Variants in TMEM253 observed in about 807,000 individuals in gnomAD.
TMEM253 encodes the protein transmembrane protein 253.
TMEM253 carries 22 observed loss-of-function variants against 20.3 expected under a neutral mutation model. That is an observed-to-expected ratio of 1.08 (90% confidence interval 0.78 to 1.55). The LOEUF (loss-of-function observed/expected upper bound fraction) is 1.55, where lower values mean the gene tolerates loss of function less well. TMEM253 is among the 40% of genes most tolerant of loss of function. The pLI is 0.00. For synonymous variants in TMEM253, 92 were observed against 102.6 expected (o/e 0.90, Z 0.62); for missense variants, 251 against 266.1 (o/e 0.94, Z 0.39).
chr14:21,101,847 C>T lies in TMEM253; in HGVS notation c.109-18C>T, dbSNP rs368718917. On this transcript the variant is annotated intron_variant, in intron 2 of 6. Coordinates refer to ENST00000556585, the Ensembl canonical transcript of TMEM253. The stretch of plus-strand genomic sequence containing the variant: ...ATCCCTGACAGTTCCTCCCCAATTA[C>T]CCTACCCTTACCCCCAGGTGAGCCA... 9.0e-6 allele frequency: 14 copies of T among 1,547,344 alleles called. No individual in the cohort carries two copies. The East Asian group carries it at 3.4e-4, about 38-fold the overall frequency.
chr14:21,102,103 G>A, exon 4 of TMEM253: 3 of 1,550,592 alleles, frequency 1.9e-6, no homozygotes, highest in Non-Finnish European at 2.6e-6. Flanking sequence ...GCTTCGCAGA[G>A]CACCCCGCCT....
intron 4 of TMEM253, 96 bp from the exon 5 acceptor site, chr14:21,102,309 C>A: frequency 2.0e-6 from 3 of 1,468,894 alleles, no homozygotes; most frequent in Non-Finnish European, 9.2e-7. Flanking sequence ...GGCTGAGAAG[C>A]AGAAGCTGAG....
At chr14:21,103,287 C>T (rs1402203148) in exon 7 of TMEM253, 28 of 1,542,274 alleles carry the variant, frequency 1.8e-5, no homozygotes, top group Non-Finnish European at 2.5e-5. Context: ...TTCCTGCATC[C>T]CACCCCACCA....
exon 7 of TMEM253, chr14:21,103,594 G>C (rs542155552): frequency 3.8e-6 from 1 of 260,118 alleles, no homozygotes; most frequent in Non-Finnish European, 7.5e-6. Flanking sequence ...CCAACTCCCT[G>C]AATCCAATTC....
intron 4 of TMEM253, 27 bp from the exon 5 acceptor site, chr14:21,102,378 G>A: frequency 1.3e-6 from 2 of 1,551,132 alleles, no homozygotes; most frequent in Non-Finnish European, 1.7e-6. Context: ...CCCTAGGCTG[G>A]GCAGGGCTGA....
At chr14:21,101,133 G>T in exon 1 of TMEM253, 1 of 470,750 alleles carries the variant, frequency 2.1e-6, no homozygotes. Flanking sequence ...CCCCTTAGGA[G>T]ACCTAGGACC....
At chr14:21,102,747 A>T in exon 6 of TMEM253, 2 of 1,551,116 alleles carry the variant, frequency 1.3e-6, no homozygotes, top group Non-Finnish European at 1.7e-6. Context: ...ATGCTGCAGG[A>T]GCCAGAGTCT....
At chr14:21,099,872 T>A (rs1889527430), upstream of TMEM253, among the ~76,000 whole-genome samples, 1 of 152,210 alleles carries the variant, frequency 6.6e-6, no homozygotes, top group Admixed American at 6.5e-5. Context: ...CAGCTGGTTC[T>A]GCTTCCGACT....
chr14:21,103,493 C>G (rs937424325), exon 7 of TMEM253: 3 of 574,858 alleles, frequency 5.2e-6, no homozygotes, highest in Non-Finnish European at 8.8e-6. Flanking sequence ...CTGTCACCTC[C>G]CCATACAGCT....
At chr14:21,100,420 C>G (rs895647437), upstream of TMEM253, among the ~76,000 whole-genome samples, 1 of 151,974 alleles carries the variant, frequency 6.6e-6, no homozygotes, top group African/African-American at 2.4e-5. Context: ...GATGGAGAAG[C>G]AGCAGAGCTA....
chr14:21,102,236 G>A, intron 4 of TMEM253, 116 bp downstream of exon 4: 7 of 1,415,598 alleles, frequency 4.9e-6, no homozygotes, highest in Non-Finnish European at 5.7e-6. Context: ...TGTCACCACT[G>A]ACTGGCCTCA....
upstream of TMEM253, among the ~76,000 whole-genome samples, chr14:21,100,471 C>A (rs1889563016): frequency 6.6e-6 from 1 of 152,132 alleles, no homozygotes; most frequent in East Asian, 1.9e-4. Context: ...GGCACCTTCT[C>A]TCTCAAAAAT....
At chr14:21,099,520 G>A (rs1433686256), upstream of TMEM253, among the ~76,000 whole-genome samples, 1 of 152,218 alleles carries the variant, frequency 6.6e-6, no homozygotes, top group Admixed American at 6.5e-5. Flanking sequence ...ATGACCCGCC[G>A]ATGTTGGCAC....
At chr14:21,103,463 T>TC (rs1889779592) in exon 7 of TMEM253, 1 of 788,010 alleles carries the variant, frequency 1.3e-6, no homozygotes. Context: ...CTTTCTCCCT[T>TC]GCATCCATAT....
At chr14:21,099,143 G>T, upstream of TMEM253, 1 of 208,696 alleles carries the variant, frequency 4.8e-6, no homozygotes, top group Non-Finnish European at 1.0e-5. Flanking sequence ...CGCTGTGAGG[G>T]ATGAGAAAGA....
chr14:21,103,554 A>C, exon 7 of TMEM253: 1 of 346,118 alleles, frequency 2.9e-6, no homozygotes, highest in Admixed American at 4.6e-5. Flanking sequence ...TCATAATCCC[A>C]TCCACTCCAA....
At chr14:21,102,064 G>C (rs1461702563) in exon 4 of TMEM253, 1 of 1,551,164 alleles carries the variant, frequency 6.4e-7, no homozygotes, top group Admixed American at 2.0e-5. Context: ...CACCATTCAG[G>C]GTCTCCTCAC....
upstream of TMEM253, chr14:21,101,011 G>A (rs1889594453): frequency 4.3e-6 from 1 of 232,124 alleles, no homozygotes; most frequent in African/African-American, 2.3e-5. Context: ...TATCTACCCA[G>A]GGCCACTCCC....
upstream of TMEM253, among the ~76,000 whole-genome samples, chr14:21,100,188 C>A (rs1387817455): frequency 3.3e-5 from 5 of 152,010 alleles, no homozygotes; most frequent in South Asian, 1.0e-3. Flanking sequence ...CATTGTGAGA[C>A]GACCCTGTCT....
Sources: gnomAD v4.1 joint callset for allele counts (sites outside exome capture counted in the v4.1 genomes callset) on GRCh38, gnomAD v4.1.1 for gene constraint, MANE v1.5 for transcripts, NCBI Gene and HGNC (gene_info 2026-07-23, HGNC 2026-07-21) for gene names.